Variants in FCN2 observed in about 807,000 individuals in gnomAD.
FCN2 encodes ficolin 2, also known as ficolin-2.
FCN2 carries 31 observed loss-of-function variants against 32.5 expected under a neutral mutation model. The ratio of observed to expected loss-of-function variants is 0.96; its 90% CI spans 0.72 to 1.29. The LOEUF (loss-of-function observed/expected upper bound fraction) is 1.29, where lower values mean the gene tolerates loss of function less well. Among genes scored for constraint, FCN2 ranks in the 50% most tolerant of loss-of-function variants. The pLI, the probability that FCN2 is intolerant of heterozygous loss-of-function variation, is 0.00. For synonymous variants in FCN2, 181 were observed against 164.5 expected (o/e 1.10, Z -0.77); for missense variants, 412 against 406.5 (o/e 1.01, Z -0.12).
At chr9:134,867,809 A>C in the FCN2 span, among the ~76,000 whole-genome samples, 3 of 152,122 alleles carry the variant, frequency 2.0e-5, no homozygotes, top group African/African-American at 7.2e-5. Context: ...CACATTCCCA[A>C]GGTCTGGGAG....
the FCN2 span, chr9:134,868,321 G>A: frequency 6.5e-6 from 1 of 154,010 alleles, no homozygotes; most frequent in Non-Finnish European, 1.4e-5. This position sits in a 1 kb window ranked among gnomAD's most constrained non-coding sequence, Gnocchi z 4.3. Flanking sequence ...CACTATCAGG[G>A]AGCCTGGTGG....
the FCN2 span, among the ~76,000 whole-genome samples, chr9:134,875,475 A>G: frequency 2.6e-5 from 4 of 152,200 alleles, no homozygotes; most frequent in Non-Finnish European, 5.9e-5. Context: ...CTTCTAACCA[A>G]GAGTACAGCA....
At position 134,885,320 on chromosome 9, in the gene FCN2, C is replaced by A. The variant is rs752651278; in HGVS notation, c.383C>A (p.Pro128His). ...ACCATCTACCTGCCCGACTGCCGGC[C>A]CCTGACTGTGCTCTGTGACATGGAC... ...WHTIYLPDCR[P>H]LTVLCDMDTD... is the part of the protein sequence containing the mutation. The change falls in exon 5 of 8, where the codon CCC becomes CAC. Residue 128 changes from proline (P) to histidine (H), a missense_variant. Physicochemically the swap from Pro to His is moderately conservative, Grantham distance 77. Transcript: ENST00000291744. The A allele has an allele frequency of 1.1e-5, 17 of 1,613,984 alleles. No homozygotes were observed. Among genetic ancestry groups the A allele is most frequent in the Admixed American group, 1.7e-5 (1 of 59,996 alleles).
At chr9:134,869,149 G>C in the FCN2 span, among the ~76,000 whole-genome samples, 4 of 152,204 alleles carry the variant, frequency 2.6e-5, no homozygotes, top group Admixed American at 1.3e-4. Context: ...CGGCCCCCGT[G>C]CCGGGGCTTC....
At position 134,885,815 on chromosome 9, in the gene FCN2, G is replaced by A. The variant is rs377765288; in HGVS notation, c.477G>A (p.Trp159Ter). 1 of 1,613,976 alleles carries A rather than the reference G, an allele frequency of 6.2e-7. No individual in the cohort carries two copies. The highest frequency in any genetic ancestry group is 8.5e-7 in the Non-Finnish European group (1 of 1,179,970). Residue 159 changes from tryptophan to a stop codon, truncating the protein, a stop_gained, in exon 6 of 8, where the codon TGG becomes TGA. Transcript: ENST00000291744. LOFTEE classifies it high-confidence loss of function. ...VDGSVDFYRDWATYKQGFGSR... is the reference protein window; with the variant it reads ...VDGSVDFYRD ...GCTCTGTGGACTTCTACCGGGACTGGGCCACGTACAAGCAGGGCTTCGGCA... is the reference window on the plus strand; with the variant it reads ...GCTCTGTGGACTTCTACCGGGACTGAGCCACGTACAAGCAGGGCTTCGGCA...
At chr9:134,865,043 T>A in the FCN2 span, among the ~76,000 whole-genome samples, 1 of 152,196 alleles carries the variant, frequency 6.6e-6, no homozygotes, top group Non-Finnish European at 1.5e-5. Flanking sequence ...GTGGGCCTAG[T>A]CAGAGCCTGT....
intron 3 of FCN2, among the ~76,000 whole-genome samples, chr9:134,884,051 T>C (rs542856961): frequency 7.2e-4 from 110 of 152,042 alleles, no homozygotes; most frequent in Non-Finnish European, 1.3e-3. Context: ...CATGAGGCCC[T>C]GTCTTGTCCC....
chr9:134,875,783 G>C, the FCN2 span, among the ~76,000 whole-genome samples: 499 of 152,244 alleles, frequency 3.3e-3, 6 homozygotes, highest in African/African-American at 0.012. Flanking sequence ...GTTGAACCAC[G>C]GATGAGACTA....
At chr9:134,884,228 T>C (rs563661497) in intron 3 of FCN2, among the ~76,000 whole-genome samples, 1 of 152,280 alleles carries the variant, frequency 6.6e-6, no homozygotes, top group South Asian at 2.1e-4. Flanking sequence ...AAATACGCAG[T>C]AGGAAATTGA....
upstream of FCN2, among the ~76,000 whole-genome samples, chr9:134,879,149 A>G (rs1169744887): frequency 6.6e-6 from 1 of 152,250 alleles, no homozygotes; most frequent in Admixed American, 6.5e-5. Flanking sequence ...AAGTGATTCA[A>G]TAGTTTATAT....
chr9:134,868,326 TG>T, the FCN2 span: 1 of 154,338 alleles, frequency 6.5e-6, no homozygotes, highest in Non-Finnish European at 1.4e-5. This position sits in a 1 kb window ranked among gnomAD's most constrained non-coding sequence, Gnocchi z 4.3. Context: ...TCAGGGAGCC[TG>T]GTGGTATGCC....
chr9:134,876,822 A>C (rs1294774974), upstream of FCN2, among the ~76,000 whole-genome samples: 3 of 152,154 alleles, frequency 2.0e-5, no homozygotes, highest in African/African-American at 7.2e-5. Flanking sequence ...TGATCTACCC[A>C]CCTCGACCTC....
chr9:134,887,295 C>T lies in FCN2; in HGVS notation c.822C>T (p.Asn274=). 2 of 1,614,196 alleles carry T rather than the reference C, an allele frequency of 1.2e-6. No homozygotes were observed. The highest frequency in any genetic ancestry group is 1.7e-6 in the Non-Finnish European group (2 of 1,180,036). ...AWWYKNCHVS[N]LNGRYLRGTH... ...GGTACAAAAACTGCCATGTGTCAAACCTGAATGGTCGCTACCTCAGGGGGA... is the reference window on the plus strand; with the variant it reads ...GGTACAAAAACTGCCATGTGTCAAATCTGAATGGTCGCTACCTCAGGGGGA... The change falls in exon 8 of 8, where the codon AAC becomes AAT. Residue 274 remains asparagine (N), a synonymous_variant. Transcript: ENST00000291744.
At chr9:134,880,571 G>C (rs55809110), upstream of FCN2, among the ~76,000 whole-genome samples, 1 of 152,054 alleles carries the variant, frequency 6.6e-6, no homozygotes, top group African/African-American at 2.4e-5. Context: ...TTTGCCCAAG[G>C]CCACAAGCAA....
At chr9:134,878,279 C>T (rs73565960), upstream of FCN2, among the ~76,000 whole-genome samples, 18,633 of 152,064 alleles carry the variant, frequency 0.12, 1,273 homozygotes, top group African/African-American at 0.18. Context: ...AGTTGGGACC[C>T]GAGGAACTAG....
At chr9:134,874,689 A>G in the FCN2 span, among the ~76,000 whole-genome samples, 1 of 152,180 alleles carries the variant, frequency 6.6e-6, no homozygotes, top group African/African-American at 2.4e-5. Flanking sequence ...TTGGTATTCT[A>G]CATCCTGTGT....
chr9:134,872,299 G>C, the FCN2 span, among the ~76,000 whole-genome samples: 2 of 152,204 alleles, frequency 1.3e-5, no homozygotes, highest in African/African-American at 4.8e-5. Context: ...CTCTGTGTGT[G>C]GATAGACCAC....
intron 1 of FCN2, among the ~76,000 whole-genome samples, chr9:134,882,037 G>A: frequency 6.6e-6 from 1 of 152,176 alleles, no homozygotes; most frequent in East Asian, 1.9e-4. Flanking sequence ...ATCAGGCGTG[G>A]GAGTTGCAAT....
At chr9:134,872,015 T>A in the FCN2 span, among the ~76,000 whole-genome samples, 3 of 148,124 alleles carry the variant, frequency 2.0e-5, no homozygotes, top group African/African-American at 5.0e-5. Flanking sequence ...TTTCCTAAGA[T>A]TTTTTACGAG....
Sources: allele counts gnomAD v4.1 joint callset (sites outside exome capture counted in the v4.1 genomes callset), GRCh38; gene constraint gnomAD v4.1.1; non-coding constraint Gnocchi (gnomAD v3.1); transcripts MANE v1.5; gene names NCBI Gene and HGNC (gene_info 2026-07-23, HGNC 2026-07-21).